The following BUB1B variants were observed in gnomAD, a reference collection of about 807,000 sequenced individuals.
BUB1B encodes the protein BUB1 mitotic checkpoint serine/threonine kinase B.
A neutral mutation model predicts 137.7 loss-of-function variants in BUB1B; 86 were observed. The ratio of observed to expected loss-of-function variants is 0.62; its 90% CI spans 0.52 to 0.75. The LOEUF (loss-of-function observed/expected upper bound fraction) is 0.75. BUB1B is among the 30% of genes least tolerant of loss of function. The probability of loss-of-function intolerance (pLI) is 0.00; values close to 1 mark genes in which losing one functional copy is unlikely to be tolerated. For synonymous variants in BUB1B, 420 were observed against 417.9 expected (o/e 1.00, Z -0.06); for missense variants, 1,130 against 1,236.9 (o/e 0.91, Z 1.30).
chr15:40,166,329 C>A (rs992256833), intron 2 of BUB1B: 1 of 431,840 alleles, frequency 2.3e-6, no homozygotes, highest in African/African-American at 2.1e-5. Flanking sequence ...ACATAATTTT[C>A]TCTCTCTCTC....
chr15:40,208,670 C>G lies in BUB1B; in HGVS notation c.2043C>G (p.His681Gln). The change falls in exon 16 of 23, where the codon CAC (histidine) becomes CAG (glutamine). Residue 681 changes from histidine (H) to glutamine (Q), a missense_variant. His to Gln is a conservative substitution (Grantham distance 24). Coordinates refer to ENST00000287598, the MANE Select transcript of BUB1B (RefSeq NM_001211.6). Reference protein sequence around the residue: ...PIIEDSREATHSSGFSGSSAS... With the variant: ...PIIEDSREATQSSGFSGSSAS... ...TTGAAGACAGTCGTGAAGCCACACACTCCTCTGGCTTCTCTGGTTCTTCTG... is the reference window on the plus strand; with the variant it reads ...TTGAAGACAGTCGTGAAGCCACACAGTCCTCTGGCTTCTCTGGTTCTTCTG... 1 of 1,613,872 alleles carries G rather than the reference C, an allele frequency of 6.2e-7. No homozygotes were observed. The highest frequency in any genetic ancestry group is 8.5e-7 in the Non-Finnish European group (1 of 1,179,716).
chr15:40,205,723 TAC>T (rs2037628968), intron 14 of BUB1B, among the ~76,000 whole-genome samples: 1 of 152,270 alleles, frequency 6.6e-6, no homozygotes, highest in Non-Finnish European at 1.5e-5. Flanking sequence ...TCATGAATGC[TAC>T]AGTTTCACTG....
intron 10 of BUB1B, 97 bp from the exon 11 acceptor site, chr15:40,200,144 GGAT>G: frequency 1.2e-6 from 1 of 808,116 alleles, no homozygotes. Flanking sequence ...TACTGTTAGT[GGAT>G]GTCTAGGGAA....
chr15:40,208,839 GT>G, intron 16 of BUB1B, 69 bp downstream of exon 16: 1 of 1,522,948 alleles, frequency 6.6e-7, no homozygotes, highest in Non-Finnish European at 9.0e-7. Context: ...TGAGCTGTAT[GT>G]TTTTCTTTTT....
Position 40,210,733 on chromosome 15 carries a change from T to C in BUB1B, c.2385+523T>C, listed in dbSNP as rs573102880. Among the ~76,000 whole-genome samples, 12 of 152,276 alleles carry C rather than the reference T, an allele frequency of 7.9e-5. No individual in the cohort carries two copies. The East Asian group carries it at 2.1e-3, about 27-fold the overall frequency. ...GTTGCCTAGGCTGGTCTTGAATTCA[T>C]GGCTCAAGCAGTCCTCCCACCTTGG... On this transcript the variant is annotated intron_variant, in intron 18 of 22. Coordinates refer to ENST00000287598, the MANE Select transcript of BUB1B (RefSeq NM_001211.6).
intron 2 of BUB1B, among the ~76,000 whole-genome samples, chr15:40,167,489 C>T (rs1044841368): frequency 6.6e-6 from 1 of 151,552 alleles, no homozygotes; most frequent in Non-Finnish European, 1.5e-5. Flanking sequence ...ATTACAGGCA[C>T]GCACCACCAC....
At chr15:40,208,888 G>T in intron 16 of BUB1B, 118 bp downstream of exon 16, 1 of 1,066,100 alleles carries the variant, frequency 9.4e-7, no homozygotes, top group African/African-American at 1.6e-5. Context: ...AGGATGGAGT[G>T]CAGTGGCACA....
chr15:40,164,563 G>A (rs927728805), intron 1 of BUB1B, among the ~76,000 whole-genome samples: 24 of 151,964 alleles, frequency 1.6e-4, no homozygotes, highest in African/African-American at 5.8e-4. Context: ...GCATTCAATG[G>A]TAGGCATAGA....
chr15:40,198,412 T>G (rs553681358), intron 9 of BUB1B, among the ~76,000 whole-genome samples: 1 of 152,236 alleles, frequency 6.6e-6, no homozygotes, highest in Admixed American at 6.5e-5. Context: ...CTGAATCTAT[T>G]TCATGAACTT....
chr15:40,203,687 A>C (rs148871796), intron 14 of BUB1B, among the ~76,000 whole-genome samples: 1 of 152,342 alleles, frequency 6.6e-6, no homozygotes, highest in Non-Finnish European at 1.5e-5. Flanking sequence ...ATGTGGGCCA[A>C]TCATTTTTCT....
At chr15:40,209,234 C>T (rs2037678454) in intron 16 of BUB1B, among the ~76,000 whole-genome samples, 1 of 152,180 alleles carries the variant, frequency 6.6e-6, no homozygotes, top group African/African-American at 2.4e-5. Flanking sequence ...TCCTGGCTAA[C>T]ATGGGGAAAC....
chr15:40,199,747 A>G lies in BUB1B; in HGVS notation c.1401+20A>G, dbSNP rs777517618. The G allele has an allele frequency of 9.1e-6, 14 of 1,538,972 alleles. No homozygotes were observed. Among genetic ancestry groups the G allele is most frequent in the Non-Finnish European group, 1.3e-5 (14 of 1,112,862 alleles). ...GATCAGGTAATTTTTCTTTTTTCAT[A>G]CACAAAACTAGAATTTATTGAAACA... On this transcript the variant is annotated intron_variant, in intron 10 of 22. Transcript: ENST00000287598.
At chr15:40,219,176 C>G (rs1031933755) in intron 22 of BUB1B, among the ~76,000 whole-genome samples, 29 of 152,252 alleles carry the variant, frequency 1.9e-4, no homozygotes, top group Middle Eastern at 3.4e-3. Flanking sequence ...TCCCAAAGTG[C>G]TAGGATTACA....
chr15:40,203,620 A>G (rs968194801), intron 14 of BUB1B, among the ~76,000 whole-genome samples: 55 of 152,236 alleles, frequency 3.6e-4, no homozygotes, highest in Middle Eastern at 3.2e-3. Context: ...TAACCAACAT[A>G]GCAAAAGACA....
At chr15:40,165,286 G>T in intron 2 of BUB1B, 90 bp downstream of exon 2, 1 of 1,569,910 alleles carries the variant, frequency 6.4e-7, no homozygotes, top group South Asian at 1.1e-5. Context: ...ATGGCATAAT[G>T]AGTACTTTTC....
chr15:40,216,863 G>A (rs1217241159), intron 20 of BUB1B, among the ~76,000 whole-genome samples: 1 of 151,498 alleles, frequency 6.6e-6, no homozygotes, highest in Non-Finnish European at 1.5e-5. Context: ...TTATTGCATA[G>A]GATAGATAAA....
rs2037591092 is a variant in BUB1B at position 40,202,769 on chromosome 15, T to C, written c.1734+75T>C. 1.3e-5 allele frequency: 16 copies of C among 1,279,612 alleles called. No homozygotes were observed. In the East Asian group the frequency reaches 3.7e-4, roughly 29 times the overall value. 79.3% of individuals were successfully genotyped at this position (1,279,612 alleles called of 1,614,324 possible). A position where few individuals can be genotyped will look rare whatever the true frequency, so the allele number is the denominator to read the frequency against. On this transcript the variant is annotated intron_variant, in intron 14 of 22. Transcript: ENST00000287598. ...ATTCAAAACCACAAAAGCTTAAGGT[T>C]AAAATTGAAACCACTGACTTGAATT... is the stretch of plus-strand genomic sequence containing the variant.
chr15:40,220,835 G>A lies in BUB1B; in HGVS notation c.*76G>A, dbSNP rs2037894759. 2 of 1,474,924 alleles carry A rather than the reference G, an allele frequency of 1.4e-6. No individual in the cohort carries two copies. The highest frequency in any genetic ancestry group is 1.9e-6 in the Non-Finnish European group (2 of 1,055,104). The allele number at this position is 1,474,924 out of a possible 1,614,324, so 91.4% of individuals were successfully genotyped here. On this transcript the variant is annotated 3_prime_UTR_variant, in exon 23 of 23. Transcript: ENST00000287598. ...GTGGAACACTGAAACTGTATGTGCT[G>A]TAATTTAATTTAGGACACATTTAGA...
In BUB1B at chr15:40,165,174, A is replaced by G. The variant is rs2037081144; in HGVS notation, c.157A>G (p.Asn53Asp). 6.2e-7 allele frequency: 1 copy of G among 1,614,090 alleles called. No homozygotes were observed. Among genetic ancestry groups the G allele is most frequent in the African/African-American group, 1.3e-5 (1 of 74,924 alleles). ...GALAQESACNNTLQQQKRAFE... is the reference protein window; with the variant it reads ...GALAQESACNDTLQQQKRAFE... The stretch of plus-strand genomic sequence containing the variant: ...ACTGGCACAAGAATCTGCCTGTAAC[A>G]ATACTCTTCAGCAGCAGAAACGGTG... The change falls in exon 2 of 23, where the codon AAT becomes GAT. Residue 53 changes from asparagine to aspartate, a missense_variant. By Grantham distance (23) the Asn-to-Asp change is conservative (BLOSUM62 1). Transcript: ENST00000287598.
Sources: gnomAD v4.1 joint callset for allele counts (sites outside exome capture counted in the v4.1 genomes callset) on GRCh38, gnomAD v4.1.1 for gene constraint, MANE v1.5 for transcripts, NCBI Gene and HGNC (gene_info 2026-07-23, HGNC 2026-07-21) for gene names.